Variants in ADAMTS4 observed in about 807,000 individuals in gnomAD.
ADAMTS4 encodes A disintegrin and metalloproteinase with thrombospondin motifs 4.
A neutral mutation model predicts 66.7 loss-of-function variants in ADAMTS4; 38 were observed. The observed-to-expected ratio is 0.57, with a 90% confidence interval of 0.44 to 0.75. The LOEUF (loss-of-function observed/expected upper bound fraction) is 0.75. Among genes scored for constraint, ADAMTS4 ranks in the 30% least tolerant of loss-of-function variants. The pLI is 0.00. For missense variants in ADAMTS4, 1,014 were observed against 1,116.7 expected, an observed-to-expected ratio of 0.91 and a Z score of 1.31; for synonymous variants, 418 against 461.5, an observed-to-expected ratio of 0.91 and a Z score of 1.21.
chr1:161,197,992 T>C lies in ADAMTS4; in HGVS notation c.633+3A>G. On this transcript the variant is annotated splice_donor_region_variant and intron_variant, in intron 1 of 8. Transcript: ENST00000367996. ...GCAGGACACAGACTCCAGAGATGCC[T>C]ACCTTGGCTCTTCGGGGTCTGGGGC... 1.3e-6 allele frequency: 2 copies of C among 1,552,842 alleles called. No individual in the cohort carries two copies. Among genetic ancestry groups the C allele is most frequent in the Non-Finnish European group, 1.7e-6 (2 of 1,147,700 alleles).
chr1:161,190,979 C>A lies in ADAMTS4; in HGVS notation c.*159G>T. ...TGCCTCCCAGGGCAGGAAACCAGGG[C>A]AGGGCCAGCCTGCGCATTAGGGCAG... On this transcript the variant is annotated 3_prime_UTR_variant, in exon 9 of 9. Transcript: ENST00000367996. 10 of 821,954 alleles carry A rather than the reference C, an allele frequency of 1.2e-5. No homozygotes were observed. Among genetic ancestry groups the A allele is most frequent in the Non-Finnish European group, 1.1e-5 (6 of 554,376 alleles). 50.9% of individuals were successfully genotyped at this position (821,954 alleles called of 1,614,324 possible).
rs367869536 is a variant in ADAMTS4, at chr1:161,196,214, C to T, written c.1047G>A (p.Glu349=). Residue 349 remains glutamate (E), a synonymous_variant, in exon 3 of 9, where the codon GAG becomes GAA. Transcript: ENST00000367996. ...TGAAGGCTGACTGGAGCCCATCATC[C>T]TCCACAATGGCACAGCTCCGAGCCG... ...CDPARSCAIV[E]DDGLQSAFTA... The T allele has an allele frequency of 4.3e-6, 7 of 1,613,266 alleles. No individual in the cohort carries two copies. Among genetic ancestry groups the T allele is most frequent in the Non-Finnish European group, 5.9e-6 (7 of 1,179,702 alleles).
At position 161,187,222 on chromosome 1, in the gene ADAMTS4, A is replaced by G. The variant is rs1304914208; in HGVS notation, c.*3916T>C. The G allele has an allele frequency of 6.6e-6, 1 of 152,162 alleles. No homozygotes were observed. The highest frequency in any genetic ancestry group is 2.4e-5 in the African/African-American group (1 of 41,424). The allele number at this position is 152,162 out of a possible 1,614,324, so 9.4% of individuals were successfully genotyped here. ...CAGTATACAACCTCCCCTGCCCAGA[A>G]TGCAGTGTGAACCCCTTTAGGACAG... On this transcript the variant is annotated 3_prime_UTR_variant, in exon 9 of 9. Transcript: ENST00000367996.
rs1664658738 is a variant in ADAMTS4, at chr1:161,191,018, G to T, written c.*120C>A. The T allele has an allele frequency of 1.7e-6, 2 of 1,178,816 alleles. No homozygotes were observed. The highest frequency in any genetic ancestry group is 1.2e-6 in the Non-Finnish European group (1 of 856,410). The allele number at this position is 1,178,816 out of a possible 1,614,324, so 73.0% of individuals were successfully genotyped here. On this transcript the variant is annotated 3_prime_UTR_variant, in exon 9 of 9. Coordinates refer to ENST00000367996, the MANE Select transcript of ADAMTS4 (RefSeq NM_005099.6). ...GCATTAGGGCAGAGAGGAGGGGCAGGTCTCACGCCCACAGCCCCTCCCCAC... is the reference window on the plus strand; with the variant it reads ...GCATTAGGGCAGAGAGGAGGGGCAGTTCTCACGCCCACAGCCCCTCCCCAC...
In ADAMTS4 at chr1:161,191,435, A is replaced by G; in HGVS notation, c.2217T>C (p.Asn739=). Residue 739 remains asparagine, a synonymous_variant, in exon 9 of 9, where the codon AAT becomes AAC. Coordinates refer to ENST00000367996, the MANE Select transcript of ADAMTS4 (RefSeq NM_005099.6). ...GGGAGGGCATCAGCGTGTATTCACC[A>G]TTGAGGGCATAGGAGCCATCTGGCA... ...LKLPDGSYAL[N]GEYTLMPSPT... is the part of the protein sequence containing the mutation. The G allele has an allele frequency of 6.2e-7, 1 of 1,614,156 alleles. No homozygotes were observed. The highest frequency in any genetic ancestry group is 8.5e-7 in the Non-Finnish European group (1 of 1,180,016).
At position 161,192,139 on chromosome 1, in the gene ADAMTS4, C is replaced by T. The variant is rs757148503; in HGVS notation, c.2013G>A (p.Lys671=). Reference sequence around the variant, plus strand: ...CTCCGCACACCATGCACTTGTCAAACTTCTTCTTGGAGCCAATGATGCGAT... The same window carrying T: ...CTCCGCACACCATGCACTTGTCAAATTTCTTCTTGGAGCCAATGATGCGAT... The part of the protein sequence containing the change: ...GCDRIIGSKK[K]FDKCMVCGGD... Residue 671 remains lysine (K), a synonymous_variant, in exon 8 of 9, where the codon AAG becomes AAA. Coordinates refer to ENST00000367996, the MANE Select transcript of ADAMTS4 (RefSeq NM_005099.6). The T allele has an allele frequency of 1.2e-6, 2 of 1,614,110 alleles. No homozygotes were observed. Among genetic ancestry groups the T allele is most frequent in the Non-Finnish European group, 8.5e-7 (1 of 1,180,024 alleles).
In ADAMTS4 at chr1:161,193,769, A is replaced by G. The variant is rs1294691077; in HGVS notation, c.1606T>C (p.Cys536Arg). ...GAGGAGAACTGGACACCACCCCCAC[A>G]GGTCCGAGAGCAGTCACCCCATGGT... ...WGPWGDCSRT[C>R]GGGVQFSSRD... The change falls in exon 6 of 9, where the codon TGT becomes CGT. Residue 536 changes from cysteine (C) to arginine (R), a missense_variant. Cys to Arg is a radical substitution (Grantham distance 180). Coordinates refer to ENST00000367996, the MANE Select transcript of ADAMTS4 (RefSeq NM_005099.6). This position sits in a 1 kb window ranked among gnomAD's most constrained non-coding sequence, Gnocchi z 4.4. The G allele has an allele frequency of 1.2e-6, 2 of 1,613,712 alleles. No homozygotes were observed. The highest frequency in any genetic ancestry group is 1.7e-5 in the Admixed American group (1 of 59,968).
intron 3 of ADAMTS4, 195 bp from the exon 4 acceptor site, chr1:161,195,830 AAATATACTCAGG>A (rs1381727767): frequency 1.3e-5 from 8 of 593,896 alleles, no homozygotes; most frequent in African/African-American, 9.5e-5. Context: ...CTCTTCCCCA[AAATATACTCAGG>A]GTCCCTCCCT....
chr1:161,194,138 A>G lies in ADAMTS4; in HGVS notation c.1345T>C (p.Cys449Arg). 1 of 1,614,204 alleles carries G rather than the reference A, an allele frequency of 6.2e-7. No individual in the cohort carries two copies. Reference sequence around the variant, plus strand: ...GAGTCGGGCCCGAAGGTCAGCTGGCACTGGCGGTCAGCATCATAGTCCTTG... The same window carrying G: ...GAGTCGGGCCCGAAGGTCAGCTGGCGCTGGCGGTCAGCATCATAGTCCTTG... ...PGKDYDADRQ[C>R]QLTFGPDSRH... Residue 449 changes from cysteine to arginine, a missense_variant, in exon 5 of 9, where the codon TGC becomes CGC. By Grantham distance (180) the Cys-to-Arg change is radical (BLOSUM62 -3). Coordinates refer to ENST00000367996, the MANE Select transcript of ADAMTS4 (RefSeq NM_005099.6). This position sits in a 1 kb window ranked among gnomAD's most constrained non-coding sequence, Gnocchi z 4.1.
rs1664995931 is a variant in ADAMTS4, at chr1:161,198,950, G to A, written c.-323C>T. 3.3e-6 allele frequency: 1 copy of A among 305,334 alleles called. No individual in the cohort carries two copies. The highest frequency in any genetic ancestry group is 6.0e-6 in the Non-Finnish European group (1 of 165,660). The allele number at this position is 305,334 out of a possible 1,614,324, so 18.9% of individuals were successfully genotyped here. On this transcript the variant is annotated 5_prime_UTR_variant, in exon 1 of 9. Coordinates refer to ENST00000367996, the MANE Select transcript of ADAMTS4 (RefSeq NM_005099.6). This position sits in a 1 kb window ranked among gnomAD's most constrained non-coding sequence, Gnocchi z 4.7. ...AGGACTCTGTCTGGGCCGCTTCTGT[G>A]CCTGCCCTGTCTCTGCCTTCTTCCG...
Position 161,198,016 on chromosome 1 carries a change from G to A in ADAMTS4, c.612C>T (p.Ser204=), listed in dbSNP as rs964508015. The A allele has an allele frequency of 6.4e-7, 1 of 1,574,008 alleles. No homozygotes were observed. Among genetic ancestry groups the A allele is most frequent in the South Asian group, 1.2e-5 (1 of 84,300 alleles). Residue 204 remains serine, a synonymous_variant, in exon 1 of 9, where the codon AGC becomes AGT. Coordinates refer to ENST00000367996, the MANE Select transcript of ADAMTS4 (RefSeq NM_005099.6). This position sits in a 1 kb window ranked among gnomAD's most constrained non-coding sequence, Gnocchi z 4.7. The stretch of plus-strand genomic sequence containing the variant: ...CTACCTTGGCTCTTCGGGGTCTGGG[G>A]CTGGGGCTTCCAAGAGGAGCCTTGA... The part of the protein sequence containing the change: ...CNVKAPLGSP[S]PRPRRAKRFA...
rs150003159 is a variant in ADAMTS4 at position 161,198,312 on chromosome 1, C to T, written c.316G>A (p.Gly106Arg). The T allele has an allele frequency of 6.2e-7, 1 of 1,613,486 alleles. No individual in the cohort carries two copies. The highest frequency in any genetic ancestry group is 1.3e-5 in the African/African-American group (1 of 75,064). Residue 106 changes from glycine (G) to arginine (R), a missense_variant, in exon 1 of 9, where the codon GGG becomes AGG. By Grantham distance (125) the Gly-to-Arg change is moderately radical. Transcript: ENST00000367996. This position sits in a 1 kb window ranked among gnomAD's most constrained non-coding sequence, Gnocchi z 4.7. ...TGGCCCAGGTACTGCACTGTCAGCC[C>T]CTCGACCTGCACACCGGAGTCCTGC... ...LEQDSGVQVE[G>R]LTVQYLGQAP...
At chr1:161,191,761 C>T (rs561900481) in intron 8 of ADAMTS4, among the ~76,000 whole-genome samples, 197 bp from the exon 9 acceptor site, 1 of 152,252 alleles carries the variant, frequency 6.6e-6, no homozygotes, top group Admixed American at 6.5e-5. Context: ...ACACCCACTG[C>T]CCCCTTATTG....
In ADAMTS4 at chr1:161,191,152, C is replaced by T; in HGVS notation, c.2500G>A (p.Ala834Thr). The T allele has an allele frequency of 6.4e-7, 1 of 1,556,852 alleles. No individual in the cohort carries two copies. Among genetic ancestry groups the T allele is most frequent in the Non-Finnish European group, 8.7e-7 (1 of 1,146,290 alleles). The change falls in exon 9 of 9, where the codon GCG (alanine) becomes ACG (threonine). Residue 834 changes from alanine (A) to threonine (T), a missense_variant. Physicochemically the swap from Ala to Thr is moderately conservative, Grantham distance 58. Transcript: ENST00000367996. ...GGATAGTGAGGTTATTTCCTGCCCGCCCAGGGGCGCCGCCGAAGGATCTCC... is the reference window on the plus strand; with the variant it reads ...GGATAGTGAGGTTATTTCCTGCCCGTCCAGGGGCGCCGCCGAAGGATCTCC... Reference protein sequence around the residue: ...ILEILRRRPWAGRK With the variant: ...ILEILRRRPWTGRK
Position 161,193,671 on chromosome 1 carries a change from GGA to G in ADAMTS4, c.1702_1703del (p.Ser568LeufsTer4). On this transcript the variant is annotated frameshift_variant, in exon 6 of 9. Transcript: ENST00000367996. LOFTEE classifies it high-confidence loss of function. The surrounding 1 kb of genome is among the most constrained non-coding windows in gnomAD (Gnocchi z 4.4). ...CAGTTGGGCAGTCCTCAGTGTTGCA[GGA>G]GCGGAAGCGGGTACGGCGGCCCTCA... is the stretch of plus-strand genomic sequence containing the variant. ...YCEGRRTRFRSCNTEDCPTGS... is the reference protein window; with the variant it reads ...YCEGRRTRFRXCNTEDCPTGS... 6.2e-7 allele frequency: 1 copy of G among 1,613,508 alleles called. No individual in the cohort carries two copies. Among genetic ancestry groups the G allele is most frequent in the Non-Finnish European group, 8.5e-7 (1 of 1,179,612 alleles).
Position 161,194,196 on chromosome 1 carries a change from C to T in ADAMTS4, c.1287G>A (p.Glu429=). ...AAGTCACAGGCAGATGCAATGGAGC[C>T]TCTGGTTTGTCTAAGAGACAGTGCC... The part of the protein sequence containing the change: ...GYGHCLLDKP[E]APLHLPVTFP... Residue 429 remains glutamate (E), a synonymous_variant, in exon 5 of 9, where the codon GAG becomes GAA. Transcript: ENST00000367996. The surrounding 1 kb of genome is among the most constrained non-coding windows in gnomAD (Gnocchi z 4.1). The T allele has an allele frequency of 1.2e-6, 2 of 1,614,044 alleles. No homozygotes were observed. Among genetic ancestry groups the T allele is most frequent in the Non-Finnish European group, 1.7e-6 (2 of 1,179,988 alleles).
Position 161,196,595 on chromosome 1 carries a change from G to T in ADAMTS4, c.919C>A (p.Pro307Thr), listed in dbSNP as rs778903729. 1.2e-6 allele frequency: 2 copies of T among 1,614,192 alleles called. No homozygotes were observed. The highest frequency in any genetic ancestry group is 1.7e-6 in the Non-Finnish European group (2 of 1,180,030). Residue 307 changes from proline to threonine, a missense_variant, in exon 2 of 9, where the codon CCT becomes ACT. Physicochemically the swap from Pro to Thr is conservative, Grantham distance 38. Transcript: ENST00000367996. ...RGLNTPEDSD[P>T]DHFDTAILFT... ...AGAATGGCTGTGTCAAAGTGGTCAG[G>T]GTCCGAGTCCTCAGGGGTGTTGAGG...
In ADAMTS4 at chr1:161,196,230, C is replaced by T. The variant is rs1399365047; in HGVS notation, c.1031G>A (p.Ser344Asn). 6.2e-7 allele frequency: 1 copy of T among 1,613,792 alleles called. No individual in the cohort carries two copies. Reference sequence around the variant, plus strand: ...CCCATCATCCTCCACAATGGCACAGCTCCGAGCCGGGTCACAGACGGTGCC... The same window carrying T: ...CCCATCATCCTCCACAATGGCACAGTTCCGAGCCGGGTCACAGACGGTGCC... The part of the protein sequence containing the change: ...DVGTVCDPAR[S>N]CAIVEDDGLQ... The change falls in exon 3 of 9, where the codon AGC (serine) becomes AAC (asparagine). Residue 344 changes from serine (S) to asparagine (N), a missense_variant. Transcript: ENST00000367996.
In ADAMTS4 at chr1:161,193,755, G is replaced by T; in HGVS notation, c.1620C>A (p.Val540=). 1.9e-6 allele frequency: 3 copies of T among 1,614,070 alleles called. No homozygotes were observed. The South Asian group carries it at 3.3e-5, about 18-fold the overall frequency. ...TCGTGCAGTCTCGGGAGGAGAACTG[G>T]ACACCACCCCCACAGGTCCGAGAGC... The part of the protein sequence containing the change: ...GDCSRTCGGG[V]QFSSRDCTRP... Residue 540 remains valine, a synonymous_variant, in exon 6 of 9, where the codon GTC becomes GTA. Coordinates refer to ENST00000367996, the MANE Select transcript of ADAMTS4 (RefSeq NM_005099.6). The surrounding 1 kb of genome is among the most constrained non-coding windows in gnomAD (Gnocchi z 4.4).
Sources: gnomAD v4.1 joint callset for allele counts (sites outside exome capture counted in the v4.1 genomes callset) on GRCh38, gnomAD v4.1.1 for gene constraint, Gnocchi (gnomAD v3.1) non-coding constraint, MANE v1.5 for transcripts, NCBI Gene and HGNC (gene_info 2026-07-23, HGNC 2026-07-21) for gene names.